Variants in GRIK2 observed in about 807,000 individuals in gnomAD.
The protein encoded by GRIK2 is glutamate ionotropic receptor kainate type subunit 2, also known as glutamate receptor ionotropic, kainate 2.
A neutral mutation model predicts 100.3 loss-of-function variants in GRIK2; 32 were observed. The ratio of observed to expected loss-of-function variants is 0.32; its 90% CI spans 0.24 to 0.43. GRIK2 has a LOEUF of 0.43. Among genes scored for constraint, GRIK2 ranks in the 20% least tolerant of loss-of-function variants. GRIK2 has a pLI of 1.00. For missense variants in GRIK2, 843 were observed against 1,114.9 expected, an observed-to-expected ratio of 0.76 and a Z score of 3.47; for synonymous variants, 417 against 389.4, an observed-to-expected ratio of 1.07 and a Z score of -0.83.
intron 15 of GRIK2, among the ~76,000 whole-genome samples, chr6:102,048,195 T>C (rs1450427176): frequency 1.3e-5 from 2 of 151,372 alleles, no homozygotes; most frequent in Non-Finnish European, 1.5e-5. Context: ...TCACAACACA[T>C]ACAAAAATCA....
At chr6:101,429,937 G>A (rs2128242556) in intron 2 of GRIK2, among the ~76,000 whole-genome samples, 1 of 152,252 alleles carries the variant, frequency 6.6e-6, no homozygotes, top group South Asian at 2.1e-4. Context: ...GAAAACACCA[G>A]GTAAGAAAGG....
chr6:101,471,775 G>T (rs1771959156), intron 2 of GRIK2, among the ~76,000 whole-genome samples: 2 of 151,876 alleles, frequency 1.3e-5, no homozygotes, highest in Non-Finnish European at 2.9e-5. Context: ...GCATGTATAT[G>T]TTAACAAAGC....
chr6:101,594,410 T>A (rs1043078293), intron 2 of GRIK2, among the ~76,000 whole-genome samples: 33 of 151,822 alleles, frequency 2.2e-4, no homozygotes, highest in Non-Finnish European at 1.5e-5. Context: ...ATTTGATGGA[T>A]GTATTATATC....
intron 11 of GRIK2, among the ~76,000 whole-genome samples, chr6:101,862,562 A>C (rs1784790867): frequency 6.6e-6 from 1 of 151,750 alleles, no homozygotes; most frequent in South Asian, 2.1e-4. Context: ...GTGGGTAGAC[A>C]TGCTAACATC....
intron 2 of GRIK2, among the ~76,000 whole-genome samples, chr6:101,470,828 A>G (rs1771910703): frequency 6.6e-6 from 1 of 152,128 alleles, no homozygotes; most frequent in Non-Finnish European, 1.5e-5. Context: ...AATCCATCAA[A>G]TTTTTAGCTA....
At chr6:101,573,511 C>A (rs1188372662) in intron 2 of GRIK2, among the ~76,000 whole-genome samples, 1 of 152,108 alleles carries the variant, frequency 6.6e-6, no homozygotes, top group East Asian at 1.9e-4. Flanking sequence ...GTTTCATAAT[C>A]CAGTTCTTTT....
intron 10 of GRIK2, among the ~76,000 whole-genome samples, chr6:101,825,016 C>T (rs918060545): frequency 1.3e-5 from 2 of 152,108 alleles, no homozygotes; most frequent in Admixed American, 6.6e-5. Context: ...ATAAGTTTTC[C>T]CTCTGATTCT....
intron 12 of GRIK2, among the ~76,000 whole-genome samples, chr6:101,907,774 A>G (rs1313745814): frequency 1.3e-5 from 2 of 151,592 alleles, no homozygotes; most frequent in East Asian, 1.9e-4. Flanking sequence ...GTTTCAATCC[A>G]TAAAATATGA....
At chr6:101,975,239 G>A (rs369166787) in intron 14 of GRIK2, among the ~76,000 whole-genome samples, 123 of 151,958 alleles carry the variant, frequency 8.1e-4, no homozygotes, top group African/African-American at 2.8e-3. Context: ...AAGAATATGG[G>A]CCTAGAGAGA....
Position 102,000,313 on chromosome 6 carries a change from C to T in GRIK2, c.2086-35028C>T, listed in dbSNP as rs190430027. On this transcript the variant is annotated intron_variant, in intron 14 of 16. Transcript: ENST00000369134. ...TTTTTTGATACGGAGGGTACACATG[C>T]AGGTCTGTTACATGGAAATATTGCT... Among the ~76,000 whole-genome samples the T allele has an allele frequency of 1.9e-4, 26 of 139,426 alleles. No individual in the cohort carries two copies. The Admixed American group carries it at 1.9e-3, about 10-fold the overall frequency. The allele number at this position is 139,426 out of a possible 152,430, so 91.5% of individuals were successfully genotyped here.
At chr6:101,513,264 T>C (rs1285624759) in intron 2 of GRIK2, among the ~76,000 whole-genome samples, 2 of 152,154 alleles carry the variant, frequency 1.3e-5, no homozygotes, top group East Asian at 3.9e-4. Flanking sequence ...AAATATTTTC[T>C]GTTTGACAAT....
intron 12 of GRIK2, among the ~76,000 whole-genome samples, chr6:101,910,808 G>A (rs1788623719): frequency 7.1e-6 from 1 of 141,000 alleles, no homozygotes; most frequent in Non-Finnish European, 1.5e-5. Flanking sequence ...TATAACTAAA[G>A]GGGGTCACAG....
At chr6:101,811,530 TTTAAC>T (rs1781323484) in intron 9 of GRIK2, among the ~76,000 whole-genome samples, 1 of 151,958 alleles carries the variant, frequency 6.6e-6, no homozygotes. Flanking sequence ...TTAAAATAAA[TTTAAC>T]TTTATTTGGA....
rs201852032 is a variant in GRIK2, at chr6:101,811,528, A to T, written c.1204-6842A>T. Among the ~76,000 whole-genome samples, 37 of 152,114 alleles carry T rather than the reference A, an allele frequency of 2.4e-4. No homozygotes were observed. The East Asian group carries it at 6.8e-3, about 28-fold the overall frequency. On this transcript the variant is annotated intron_variant, in intron 9 of 16. Transcript: ENST00000369134. ...TTAAATTATTTCTTAATTTAAAATA[A>T]ATTTAACTTTATTTGGAACTAATAT...
chr6:101,975,333 G>C (rs1362787883), intron 14 of GRIK2, among the ~76,000 whole-genome samples: 1 of 151,878 alleles, frequency 6.6e-6, no homozygotes, highest in Non-Finnish European at 1.5e-5. Context: ...GAAGAGACAG[G>C]TATTTAGTCA....
intron 4 of GRIK2, among the ~76,000 whole-genome samples, chr6:101,633,809 C>T (rs1780881281): frequency 6.6e-6 from 1 of 152,032 alleles, no homozygotes; most frequent in Admixed American, 6.6e-5. Context: ...AAACACGTAG[C>T]TTGTAATCCC....
chr6:101,873,392 A>G (rs1785566292), intron 11 of GRIK2, among the ~76,000 whole-genome samples: 1 of 151,860 alleles, frequency 6.6e-6, no homozygotes, highest in Non-Finnish European at 1.5e-5. Context: ...GATGGTTTCC[A>G]GCTTCATCCA....
At chr6:101,793,763 C>T (rs1780073548) in intron 7 of GRIK2, among the ~76,000 whole-genome samples, 1 of 152,138 alleles carries the variant, frequency 6.6e-6, no homozygotes, top group African/African-American at 2.4e-5. Context: ...ACATTGAAGT[C>T]TGCAGAGGTT....
intron 12 of GRIK2, among the ~76,000 whole-genome samples, chr6:101,924,151 TTGG>T (rs917603426): frequency 1.3e-5 from 2 of 152,094 alleles, no homozygotes; most frequent in African/African-American, 4.8e-5. Flanking sequence ...CTCTGTTACT[TTGG>T]TGGTTTCTAT....
Sources: gnomAD v4.1 joint callset for allele counts (sites outside exome capture counted in the v4.1 genomes callset) on GRCh38, gnomAD v4.1.1 for gene constraint, MANE v1.5 for transcripts, NCBI Gene and HGNC (gene_info 2026-07-23, HGNC 2026-07-21) for gene names.